Variants in NHS observed in about 807,000 individuals in gnomAD.
The protein encoded by NHS is actin remodeling regulator NHS.
Under a neutral mutation model 72.5 loss-of-function variants are expected in NHS, and 5 were observed. The observed-to-expected ratio is 0.07, with a 90% CI of 0.04 to 0.14. The LOEUF (loss-of-function observed/expected upper bound fraction) is 0.14. Among genes scored for constraint, NHS ranks in the 10% least tolerant of loss-of-function variants. The probability of loss-of-function intolerance (pLI) is 1.00; values close to 1 mark genes in which losing one functional copy is unlikely to be tolerated. For missense variants in NHS, 1,072 were observed against 1,355.7 expected (o/e 0.79, Z 3.29); for synonymous variants, 464 against 547.7 (o/e 0.85, Z 2.13).
intron 1 of NHS, among the ~76,000 whole-genome samples, chrX:17,464,543 T>A (rs1330875513): frequency 8.9e-6 from 1 of 112,194 alleles, no homozygotes; most frequent in East Asian, 2.8e-4. Context: ...CCACCTCCTA[T>A]AATTAAGTGA....
chrX:17,391,388 A>T (rs745459816), intron 1 of NHS, among the ~76,000 whole-genome samples: 1 of 112,299 alleles, frequency 8.9e-6, no homozygotes, highest in African/African-American at 3.2e-5. Context: ...TACTCATTTT[A>T]TAGAGTTGTG....
At chrX:17,478,847 G>C (rs1049299117) in intron 1 of NHS, among the ~76,000 whole-genome samples, 1 of 111,671 alleles carries the variant, frequency 9.0e-6, no homozygotes, top group Non-Finnish European at 1.9e-5. Context: ...CTTGAAATGT[G>C]GGTAATGTAA....
intron 3 of NHS, among the ~76,000 whole-genome samples, chrX:17,697,124 G>A (rs904479353): frequency 4.5e-5 from 5 of 111,248 alleles, no homozygotes; most frequent in African/African-American, 1.6e-4. Context: ...TCTATATAAA[G>A]CTTCTGGGGG....
chrX:17,614,075 A>G (rs1035935855), intron 1 of NHS, among the ~76,000 whole-genome samples: 5 of 112,045 alleles, frequency 4.5e-5, no homozygotes, highest in Non-Finnish European at 3.8e-5. Context: ...CTTAGTATCA[A>G]TTGGACTGGG....
chrX:17,646,256 A>G (rs1319568118), intron 1 of NHS, among the ~76,000 whole-genome samples: 2 of 112,036 alleles, frequency 1.8e-5, no homozygotes, highest in Non-Finnish European at 3.8e-5. Flanking sequence ...TTCTCCTTTT[A>G]GAAGTGAATT....
chrX:17,529,253 T>C (rs1306304859), intron 1 of NHS, among the ~76,000 whole-genome samples: 16 of 111,920 alleles, frequency 1.4e-4, no homozygotes, highest in Non-Finnish European at 3.0e-4. Flanking sequence ...CCATATTTTC[T>C]AGGGAAAACA....
In NHS at chrX:17,375,899, G is replaced by A. The variant is rs1178032823; in HGVS notation, c.142G>A (p.Glu48Lys). Residue 48 changes from glutamate to lysine, a missense_variant, in exon 1 of 9, where the codon GAG (glutamate) becomes AAG (lysine). Glu to Lys is a moderately conservative substitution (Grantham distance 56). Coordinates refer to ENST00000676302, the MANE Select transcript of NHS (RefSeq NM_001291867.2). ...GCCGCCGGGCCGGAGGGACCTGGAC[G>A]AGGTCGAGGCGCCAGGGCCAGAGGA... ...LQPPGRRDLD[E>K]VEAPGPEEPA... 9.1e-7 allele frequency: 1 copy of A among 1,099,499 alleles called. No homozygotes were observed. The highest frequency in any genetic ancestry group is 1.2e-6 in the Non-Finnish European group (1 of 848,491). 90.6% of individuals were successfully genotyped at this position (1,099,499 alleles called of 1,213,427 possible).
chrX:17,386,332 G>T (rs1259609186), intron 1 of NHS, among the ~76,000 whole-genome samples: 3 of 110,967 alleles, frequency 2.7e-5, no homozygotes, highest in Non-Finnish European at 5.7e-5. Context: ...TCTACCACAG[G>T]TGCAGGGCAC....
chrX:17,375,668 T>C lies in NHS; in HGVS notation c.-90T>C. 9.8e-7 allele frequency: 1 copy of C among 1,016,263 alleles called. No homozygotes were observed. The highest frequency in any genetic ancestry group is 1.3e-6 in the Non-Finnish European group (1 of 750,971). 83.8% of individuals were successfully genotyped at this position (1,016,263 alleles called of 1,213,427 possible). A position where few individuals can be genotyped will look rare whatever the true frequency, so the allele number is the denominator to read the frequency against. The stretch of plus-strand genomic sequence containing the variant: ...CCAGATCGCGCTTTTGCCGGACTCC[T>C]GCCCCCTCCCTGCTCAGGTGGGCGC... On this transcript the variant is annotated 5_prime_UTR_variant, in exon 1 of 9. Coordinates refer to ENST00000676302, the MANE Select transcript of NHS (RefSeq NM_001291867.2).
At chrX:17,389,586 C>CTTATTTATTTATTTATTTATTTATTTAT (rs554552712) in intron 1 of NHS, among the ~76,000 whole-genome samples, 1 of 102,319 alleles carries the variant, frequency 9.8e-6, no homozygotes, top group African/African-American at 3.8e-5. Context: ...CTTTTATTTT[C>CTTATTTATTTATTTATTTATTTATTTAT]TTATTTATTT....
intron 1 of NHS, among the ~76,000 whole-genome samples, chrX:17,531,569 C>A (rs1199188245): frequency 8.9e-6 from 1 of 112,728 alleles, no homozygotes; most frequent in East Asian, 2.8e-4. Context: ...CATTATTCCC[C>A]CCTCCTCCTC....
chrX:17,583,828 G>A (rs1015353922), intron 1 of NHS, among the ~76,000 whole-genome samples: 4 of 112,400 alleles, frequency 3.6e-5, no homozygotes, highest in Admixed American at 2.8e-4. Context: ...TATTTGGTGG[G>A]TTGTAAATTG....
intron 1 of NHS, among the ~76,000 whole-genome samples, chrX:17,387,017 A>G (rs2064414194): frequency 8.9e-6 from 1 of 112,267 alleles, no homozygotes; most frequent in Non-Finnish European, 1.9e-5. Flanking sequence ...CTATGCTGTC[A>G]CCCACATCTT....
chrX:17,512,543 G>A (rs2065094808), intron 1 of NHS, among the ~76,000 whole-genome samples: 1 of 111,790 alleles, frequency 8.9e-6, no homozygotes, highest in Admixed American at 9.5e-5. Flanking sequence ...GCTGGTCGAT[G>A]TTCAAGGTGT....
intron 1 of NHS, among the ~76,000 whole-genome samples, chrX:17,620,830 C>A (rs890169900): frequency 1.1e-4 from 12 of 111,008 alleles, no homozygotes; most frequent in African/African-American, 3.3e-4. Flanking sequence ...AGGAATGGGA[C>A]TATGTCTTGA....
At chrX:17,687,585 A>G in intron 1 of NHS, 157 bp from the exon 2 acceptor site, 1 of 695,852 alleles carries the variant, frequency 1.4e-6, no homozygotes, top group South Asian at 2.2e-5. Flanking sequence ...TAAATGCCAA[A>G]CCTTTCTCCG....
chrX:17,388,118 A>G (rs2064419822), intron 1 of NHS, among the ~76,000 whole-genome samples: 1 of 111,713 alleles, frequency 9.0e-6, no homozygotes, highest in African/African-American at 3.3e-5. Flanking sequence ...TCTTTTTGTT[A>G]TGCAGAAAAG....
intron 1 of NHS, among the ~76,000 whole-genome samples, chrX:17,380,900 G>T (rs2064374631): frequency 9.0e-6 from 1 of 111,412 alleles, no homozygotes; most frequent in African/African-American, 3.3e-5. Context: ...GAAGCTGAAG[G>T]ATACGAGCAG....
intron 1 of NHS, among the ~76,000 whole-genome samples, chrX:17,620,088 A>G (rs750111148): frequency 8.9e-6 from 1 of 112,292 alleles, no homozygotes; most frequent in Non-Finnish European, 1.9e-5. Flanking sequence ...AGCATGAGCA[A>G]TAGCCTTAGG....
Sources: allele counts gnomAD v4.1 joint callset (sites outside exome capture counted in the v4.1 genomes callset), GRCh38; gene constraint gnomAD v4.1.1; transcripts MANE v1.5; gene names NCBI Gene and HGNC (gene_info 2026-07-23, HGNC 2026-07-21).